The following SCLT1 variants were observed in gnomAD, a reference collection of about 807,000 sequenced individuals.
SCLT1 encodes the protein sodium channel-associated protein 1.
In SCLT1, 78 loss-of-function variants were observed where a neutral mutation model predicts 112.8. The ratio of observed to expected loss-of-function variants is 0.69; its 90% CI spans 0.58 to 0.83. SCLT1 has a LOEUF of 0.83. Ranked by LOEUF, SCLT1 falls within the 40% of genes least tolerant of loss-of-function variation. The pLI, the probability that SCLT1 is intolerant of heterozygous loss-of-function variation, is 0.00. For synonymous variants in SCLT1, 257 were observed against 254.7 expected (o/e 1.01, Z -0.09); for missense variants, 747 against 770.4 (o/e 0.97, Z 0.36).
chr4:128,961,690 G>A lies in SCLT1; in HGVS notation c.870-1913C>T, dbSNP rs141049572. On this transcript the variant is annotated intron_variant, in intron 11 of 20. Transcript: ENST00000281142. ...AACTTAATCTGTAGGAATCCTGAGG[G>A]GTCTGTGTTCAAAAGTATTTCCCCC... Among the ~76,000 whole-genome samples the A allele has an allele frequency of 3.2e-3, 482 of 152,064 alleles. 1 individual carries two copies. The highest frequency in any genetic ancestry group is 0.011 in the African/African-American group (454 of 41,478).
In SCLT1 at chr4:129,003,700, G is replaced by A. The variant is rs140029641; in HGVS notation, c.426+41C>T. The A allele has an allele frequency of 1.2e-4, 181 of 1,462,942 alleles. No homozygotes were observed. In the Middle Eastern group the frequency reaches 1.6e-3, roughly 13 times the overall value. The allele number at this position is 1,462,942 out of a possible 1,614,324, so 90.6% of individuals were successfully genotyped here. ...TTAACATGAATTTTTAAAAAGGTAT[G>A]TTAATTCAGAATATAATTTTTAAAA... On this transcript the variant is annotated intron_variant, in intron 6 of 20. Transcript: ENST00000281142.
At chr4:129,074,389 A>G (rs1438896873) in intron 2 of SCLT1, among the ~76,000 whole-genome samples, 1 of 152,212 alleles carries the variant, frequency 6.6e-6, no homozygotes. Context: ...TAAAAGTTGT[A>G]AGATGAGAAT....
chr4:128,976,971 C>T (rs572392983), intron 9 of SCLT1, among the ~76,000 whole-genome samples: 1 of 152,162 alleles, frequency 6.6e-6, no homozygotes, highest in South Asian at 2.1e-4. Flanking sequence ...GAAACTGTAC[C>T]AATAATGGTA....
intron 5 of SCLT1, among the ~76,000 whole-genome samples, chr4:129,035,387 T>C (rs1455164439): frequency 6.6e-6 from 1 of 152,118 alleles, no homozygotes; most frequent in South Asian, 2.1e-4. Flanking sequence ...TGGCTAAAAC[T>C]AGGTCACATG....
At chr4:128,958,304 T>C (rs1001243417) in intron 12 of SCLT1, among the ~76,000 whole-genome samples, 2 of 152,132 alleles carry the variant, frequency 1.3e-5, no homozygotes, top group African/African-American at 4.8e-5. Context: ...TGTAATAACC[T>C]TGAGGGGGAG....
At chr4:128,889,255 C>T (rs1195925595) in intron 19 of SCLT1, among the ~76,000 whole-genome samples, 1 of 152,072 alleles carries the variant, frequency 6.6e-6, no homozygotes. Flanking sequence ...GGAATGTGAC[C>T]TTATTTGGAA....
intron 20 of SCLT1, 38 bp from the exon 21 acceptor site, chr4:128,884,577 T>A: frequency 7.6e-7 from 1 of 1,324,024 alleles, no homozygotes; most frequent in Non-Finnish European, 1.1e-6. Context: ...TAGTTACTTT[T>A]TCTGTGGAAA....
At chr4:129,056,724 G>C (rs1749429767) in intron 2 of SCLT1, among the ~76,000 whole-genome samples, 1 of 152,126 alleles carries the variant, frequency 6.6e-6, no homozygotes. Context: ...TCAGTTCTAA[G>C]AGTGTTTTGG....
chr4:128,911,061 C>T (rs1025337348), intron 18 of SCLT1, among the ~76,000 whole-genome samples: 5 of 152,064 alleles, frequency 3.3e-5, no homozygotes, highest in East Asian at 3.9e-4. Flanking sequence ...GTCAGGAGTT[C>T]GAGACCAGCC....
intron 5 of SCLT1, among the ~76,000 whole-genome samples, chr4:129,019,821 A>C (rs1040070281): frequency 1.3e-5 from 2 of 152,156 alleles, no homozygotes; most frequent in Non-Finnish European, 2.9e-5. Context: ...AAAAGATCCT[A>C]AAAACTAGAA....
intron 11 of SCLT1, among the ~76,000 whole-genome samples, chr4:128,960,230 A>G (rs906406969): frequency 6.6e-5 from 10 of 152,162 alleles, no homozygotes; most frequent in African/African-American, 2.4e-4. Flanking sequence ...TGTATATCTT[A>G]AAATAATTTT....
intron 18 of SCLT1, among the ~76,000 whole-genome samples, chr4:128,896,696 GAA>G (rs1560812967): frequency 1.3e-5 from 2 of 152,176 alleles, no homozygotes; most frequent in African/African-American, 4.8e-5. Flanking sequence ...CGAGTTGAGA[GAA>G]GAAGGCTTCA....
intron 19 of SCLT1, among the ~76,000 whole-genome samples, chr4:128,890,699 AT>A (rs981045993): frequency 6.6e-6 from 1 of 152,178 alleles, no homozygotes. Flanking sequence ...AGGCAAAAGT[AT>A]TTTTTATGTG....
At chr4:128,915,377 G>T (rs1375443036) in intron 18 of SCLT1, among the ~76,000 whole-genome samples, 3 of 152,170 alleles carry the variant, frequency 2.0e-5, no homozygotes, top group Non-Finnish European at 4.4e-5. Context: ...TTAATTATTA[G>T]CAATACTGAT....
chr4:128,945,880 C>T (rs1347965938), intron 16 of SCLT1, 127 bp downstream of exon 16: 7 of 516,784 alleles, frequency 1.4e-5, no homozygotes, highest in Admixed American at 7.4e-5. Flanking sequence ...TATATTTGGT[C>T]CTAATTGTTT....
intron 2 of SCLT1, among the ~76,000 whole-genome samples, chr4:129,069,634 T>A (rs551758694): frequency 2.0e-5 from 3 of 152,322 alleles, no homozygotes; most frequent in African/African-American, 7.2e-5. Context: ...AATTCTTTTA[T>A]CAGTTCTAGA....
intron 18 of SCLT1, among the ~76,000 whole-genome samples, chr4:128,924,954 T>G (rs318564): frequency 0.71 from 107,458 of 151,932 alleles, 38,140 homozygotes; most frequent in African/African-American, 0.75. Context: ...CTTCCCTTTC[T>G]CCCTCACTCC....
rs175964 is a variant in SCLT1, at chr4:129,000,083, C to T, written c.427-289G>A. ...GTAGATTTAAACCATGTTCTTTGTT[C>T]CACAAGAAAGTATAAGCCCTAGAAA... is the stretch of plus-strand genomic sequence containing the variant. On this transcript the variant is annotated intron_variant, in intron 6 of 20. Transcript: ENST00000281142. Among the ~76,000 whole-genome samples, 10 of 151,658 alleles carry T rather than the reference C, an allele frequency of 6.6e-5. No individual in the cohort carries two copies. The East Asian group carries it at 7.7e-4, about 12-fold the overall frequency.
intron 20 of SCLT1, among the ~76,000 whole-genome samples, chr4:128,886,767 C>T (rs1732922136): frequency 6.6e-6 from 1 of 152,132 alleles, no homozygotes; most frequent in African/African-American, 2.4e-5. Flanking sequence ...ACAGAAGAAA[C>T]ATCAGTACTA....
Sources: allele counts gnomAD v4.1 joint callset (sites outside exome capture counted in the v4.1 genomes callset), GRCh38; gene constraint gnomAD v4.1.1; transcripts MANE v1.5; gene names NCBI Gene and HGNC (gene_info 2026-07-23, HGNC 2026-07-21).